HSPA14: variants seen among roughly 807,000 people sequenced by gnomAD.
HSPA14 encodes heat shock protein family A (Hsp70) member 14, also known as heat shock 70 kDa protein 14.
A neutral mutation model predicts 65.5 loss-of-function variants in HSPA14; 37 were observed. That is an observed-to-expected ratio of 0.56 (90% CI 0.43 to 0.74). The LOEUF (loss-of-function observed/expected upper bound fraction) is 0.74, where lower values mean the gene tolerates loss of function less well. Among genes scored for constraint, HSPA14 ranks in the 30% least tolerant of loss-of-function variants. The pLI is 0.00. For missense variants in HSPA14, 564 were observed against 607.6 expected, an observed-to-expected ratio of 0.93 and a Z score of 0.75; for synonymous variants, 203 against 214.2, an observed-to-expected ratio of 0.95 and a Z score of 0.46.
chr10:14,853,648 T>C (rs1834123873), intron 8 of HSPA14, among the ~76,000 whole-genome samples: 1 of 152,218 alleles, frequency 6.6e-6, no homozygotes. Context: ...CAGAGTGTTT[T>C]AGGAAAGTTT....
intron 12 of HSPA14, among the ~76,000 whole-genome samples, chr10:14,869,900 GC>G (rs2131653656): frequency 6.6e-6 from 1 of 152,316 alleles, no homozygotes; most frequent in African/African-American, 2.4e-5. Context: ...AGGAGCGTTA[GC>G]CACGTAATAC....
chr10:14,862,995 T>A (rs1230754174), intron 10 of HSPA14, among the ~76,000 whole-genome samples: 2 of 152,194 alleles, frequency 1.3e-5, no homozygotes, highest in African/African-American at 4.8e-5. Flanking sequence ...TTTCTATTTT[T>A]AAAGGCGTTT....
At chr10:14,871,351 T>C (rs1455412391) in intron 13 of HSPA14, among the ~76,000 whole-genome samples, 177 bp from the exon 14 acceptor site, 3 of 152,224 alleles carry the variant, frequency 2.0e-5, no homozygotes, top group African/African-American at 7.2e-5. Context: ...AAATATAACA[T>C]ATGACACTTA....
At chr10:14,838,855 C>T (rs997562453) in intron 1 of HSPA14, among the ~76,000 whole-genome samples, 1 of 152,128 alleles carries the variant, frequency 6.6e-6, no homozygotes, top group African/African-American at 2.4e-5. Context: ...CGGGGACGTC[C>T]TGGCCTCTGG....
In HSPA14 at chr10:14,840,242, A is replaced by T. The variant is rs1248789881; in HGVS notation, c.221+85A>T. Reference sequence around the variant, plus strand: ...CATAATGTGAAAAGAAATTAGAAACAGCATAGTTTGTTTCTTCATTGCTTT... The same window carrying T: ...CATAATGTGAAAAGAAATTAGAAACTGCATAGTTTGTTTCTTCATTGCTTT... On this transcript the variant is annotated intron_variant, in intron 3 of 13. Transcript: ENST00000378372. 3 of 644,718 alleles carry T rather than the reference A, an allele frequency of 4.7e-6. No homozygotes were observed. The East Asian group carries it at 1.1e-4, about 23-fold the overall frequency. The allele number at this position is 644,718 out of a possible 1,614,324, so 39.9% of individuals were successfully genotyped here.
intron 3 of HSPA14, chr10:14,843,597 G>GC (rs1834004180): frequency 2.6e-6 from 4 of 1,550,498 alleles, no homozygotes; most frequent in Non-Finnish European, 3.5e-6. Flanking sequence ...TGACCAGTGA[G>GC]CCCCCTCCAA....
chr10:14,843,106 A>C (rs1426019147), intron 3 of HSPA14, among the ~76,000 whole-genome samples: 1 of 152,208 alleles, frequency 6.6e-6, no homozygotes, highest in Non-Finnish European at 1.5e-5. Flanking sequence ...ATTATTAATA[A>C]CTGGTAGTCA....
intron 13 of HSPA14, 47 bp downstream of exon 13, chr10:14,870,714 G>T: frequency 6.9e-7 from 1 of 1,450,526 alleles, no homozygotes; most frequent in South Asian, 1.3e-5. Flanking sequence ...TTTGATACTT[G>T]ACCATTTTTT....
chr10:14,843,372 G>T, intron 3 of HSPA14: 4 of 1,550,758 alleles, frequency 2.6e-6, no homozygotes, highest in Non-Finnish European at 3.5e-6. Flanking sequence ...GTTTTTCAGG[G>T]TGCTCTCAAG....
chr10:14,843,988 G>A, intron 3 of HSPA14: 2 of 1,477,006 alleles, frequency 1.4e-6, no homozygotes, highest in Non-Finnish European at 8.9e-7. Flanking sequence ...TGTGTCCTCA[G>A]AAAAAAACAT....
chr10:14,857,570 TA>T (rs1832715597), intron 10 of HSPA14, among the ~76,000 whole-genome samples: 1 of 152,260 alleles, frequency 6.6e-6, no homozygotes, highest in Non-Finnish European at 1.5e-5. Flanking sequence ...TTTTATCTCA[TA>T]TTATTTGCCC....
chr10:14,859,637 A>G (rs1039042229), intron 10 of HSPA14, among the ~76,000 whole-genome samples: 24 of 152,164 alleles, frequency 1.6e-4, no homozygotes, highest in Admixed American at 6.5e-4. Flanking sequence ...GCATTGATGT[A>G]CCGTCCTTCA....
chr10:14,841,086 ATCTCTTACCTGTTTATCTTATTTTCTG>A (rs894491535), intron 3 of HSPA14: 17 of 152,194 alleles, frequency 1.1e-4, no homozygotes, highest in African/African-American at 4.1e-4. Context: ...TTATGCAGGT[ATCTCTTACCTGTTTATCTTATTTTCTG>A]TCTCTTACCT....
chr10:14,860,402 TAAA>T (rs1832742206), intron 10 of HSPA14, among the ~76,000 whole-genome samples: 1 of 152,090 alleles, frequency 6.6e-6, no homozygotes, highest in Non-Finnish European at 1.5e-5. Flanking sequence ...ATGAAACAGA[TAAA>T]ATAATGCCCA....
intron 9 of HSPA14, among the ~76,000 whole-genome samples, chr10:14,855,474 G>T (rs757398256): frequency 6.6e-6 from 1 of 152,096 alleles, no homozygotes; most frequent in Non-Finnish European, 1.5e-5. Flanking sequence ...TTCAAATGAT[G>T]GTTTGATTAG....
chr10:14,864,580 T>C (rs1312143577), intron 10 of HSPA14, among the ~76,000 whole-genome samples: 3 of 146,344 alleles, frequency 2.0e-5, no homozygotes, highest in Non-Finnish European at 3.0e-5. Context: ...GAACATGCGG[T>C]GTTTGGTTTT....
At chr10:14,862,617 C>T (rs1035316905) in intron 10 of HSPA14, among the ~76,000 whole-genome samples, 11 of 151,970 alleles carry the variant, frequency 7.2e-5, no homozygotes, top group Non-Finnish European at 1.3e-4. Context: ...CCTTGTAATC[C>T]GCCCACCTCG....
At chr10:14,863,243 G>A (rs1297487376) in intron 10 of HSPA14, among the ~76,000 whole-genome samples, 1 of 151,972 alleles carries the variant, frequency 6.6e-6, no homozygotes, top group Non-Finnish European at 1.5e-5. Context: ...AGATTAGATG[G>A]ACCATTTCAG....
chr10:14,862,466 C>A (rs1301244260), intron 10 of HSPA14, among the ~76,000 whole-genome samples: 1 of 151,070 alleles, frequency 6.6e-6, no homozygotes, highest in African/African-American at 2.4e-5. Context: ...GCTCCGCCTC[C>A]CAGGTTCACG....
Sources: gnomAD v4.1 joint callset for allele counts (sites outside exome capture counted in the v4.1 genomes callset) on GRCh38, gnomAD v4.1.1 for gene constraint, MANE v1.5 for transcripts, NCBI Gene and HGNC (gene_info 2026-07-23, HGNC 2026-07-21) for gene names.